The following SLC7A9 variants were observed in gnomAD, a reference collection of about 807,000 sequenced individuals.
The protein encoded by SLC7A9 is solute carrier family 7 member 9, also known as B(0,+)-type amino acid transporter 1.
SLC7A9 carries 38 observed loss-of-function variants against 54.1 expected under a neutral mutation model. The ratio of observed to expected loss-of-function variants is 0.70; its 90% CI spans 0.54 to 0.92. The LOEUF is 0.92. Among genes scored for constraint, SLC7A9 ranks in the 40% least tolerant of loss-of-function variants. SLC7A9 has a pLI of 0.00. For missense variants in SLC7A9, 537 were observed against 636.1 expected (o/e 0.84, Z 1.68); for synonymous variants, 264 against 258.9 (o/e 1.02, Z -0.19).
rs121908486 is a variant in SLC7A9, at chr19:32,859,932, G to A, written c.782C>T (p.Pro261Leu). 400 of 1,614,048 alleles carry A rather than the reference G, an allele frequency of 2.5e-4. No homozygotes were observed. Among genetic ancestry groups the A allele is most frequent in the Non-Finnish European group, 3.2e-4 (381 of 1,180,040 alleles). ...NLPLAIIIGI[P>L]LVTACYILMN... ...GAGGATGTAGCACGCCGTCACCAGG[G>A]GGATCCCGATGATAATGGCCAAAGG... The change falls in exon 8 of 13, where the codon CCC becomes CTC. Residue 261 changes from proline (P) to leucine (L), a missense_variant. Physicochemically the swap from Pro to Leu is moderately conservative, Grantham distance 98. Coordinates refer to ENST00000023064, the MANE Select transcript of SLC7A9 (RefSeq NM_014270.5).
intron 2 of SLC7A9, among the ~76,000 whole-genome samples, chr19:32,867,531 T>A (rs955689012): frequency 1.7e-4 from 25 of 150,650 alleles, no homozygotes; most frequent in African/African-American, 4.1e-4. Flanking sequence ...AAAATTTTTT[T>A]AAAAATTTTT....
intron 11 of SLC7A9, 53 bp from the exon 12 acceptor site, chr19:32,833,376 T>C (rs2145794395): frequency 6.3e-7 from 1 of 1,590,020 alleles, no homozygotes; most frequent in Non-Finnish European, 8.6e-7. Context: ...AAATTTTTCA[T>C]GATAAAAAAC....
At position 32,830,551 on chromosome 19, in the gene SLC7A9, G is replaced by A. The variant is rs867407371; in HGVS notation, c.*69C>T. 2.5e-6 allele frequency: 3 copies of A among 1,196,116 alleles called. No individual in the cohort carries two copies. The highest frequency in any genetic ancestry group is 2.4e-5 in the South Asian group (2 of 82,632). 74.1% of individuals were successfully genotyped at this position (1,196,116 alleles called of 1,614,324 possible). Reference sequence around the variant, plus strand: ...TATATTTTATTCGTAAGAAAAAAAGGAAGAAATAACCACAAATATTGCTTA... The same window carrying A: ...TATATTTTATTCGTAAGAAAAAAAGAAAGAAATAACCACAAATATTGCTTA... On this transcript the variant is annotated 3_prime_UTR_variant, in exon 13 of 13. Transcript: ENST00000023064.
intron 2 of SLC7A9, among the ~76,000 whole-genome samples, chr19:32,867,656 A>G (rs1183496173): frequency 6.6e-6 from 1 of 151,988 alleles, no homozygotes; most frequent in Non-Finnish European, 1.5e-5. Context: ...ACTTAAAATA[A>G]TATGCGGGCC....
rs371669498 is a variant in SLC7A9, at chr19:32,860,648, T to G, written c.707A>C (p.Asn236Thr). 3 of 1,614,016 alleles carry G rather than the reference T, an allele frequency of 1.9e-6. No homozygotes were observed. The highest frequency in any genetic ancestry group is 2.5e-6 in the Non-Finnish European group (3 of 1,180,016). ...YNGLWAYDGW[N>T]QLNYITEELR... ...TTCTTCTGTGATGTAATTGAGTTGA[T>G]TCCTGGAAAAAGGAAAGTAACAAGC... Residue 236 changes from asparagine to threonine, a missense_variant and splice_region_variant, in exon 7 of 13, where the codon AAT becomes ACT. Coordinates refer to ENST00000023064, the MANE Select transcript of SLC7A9 (RefSeq NM_014270.5).
intron 12 of SLC7A9, chr19:32,832,775 A>G: frequency 3.5e-6 from 1 of 287,026 alleles, no homozygotes; most frequent in South Asian, 3.8e-5. Flanking sequence ...AGCCAGGTGT[A>G]GTGTGTGCCT....
At chr19:32,831,121 T>C (rs1967771233) in intron 12 of SLC7A9, among the ~76,000 whole-genome samples, 1 of 149,878 alleles carries the variant, frequency 6.7e-6, no homozygotes. Flanking sequence ...TGGGGTTTCC[T>C]AGGCAGGCGG....
At chr19:32,847,591 A>C (rs553551916) in intron 9 of SLC7A9, among the ~76,000 whole-genome samples, 2 of 152,350 alleles carry the variant, frequency 1.3e-5, no homozygotes, top group South Asian at 2.1e-4. Context: ...GGGAGAATGG[A>C]ACCAAGTTGG....
At chr19:32,851,660 C>T (rs577542333) in intron 9 of SLC7A9, among the ~76,000 whole-genome samples, 5 of 152,000 alleles carry the variant, frequency 3.3e-5, no homozygotes, top group Non-Finnish European at 5.9e-5. Context: ...ACCCAGCCAT[C>T]GCATTACTGG....
chr19:32,858,559 A>T lies in SLC7A9; in HGVS notation c.874-16T>A. The T allele has an allele frequency of 6.3e-7, 1 of 1,592,708 alleles. No individual in the cohort carries two copies. Among genetic ancestry groups the T allele is most frequent in the Non-Finnish European group, 8.6e-7 (1 of 1,163,398 alleles). ...CACCAAATGTCTGGTGAGAGAAGCG[A>T]GATGAGTCCTGAGGGTCTTTCTTGG... is the stretch of plus-strand genomic sequence containing the variant. On this transcript the variant is annotated splice_polypyrimidine_tract_variant and intron_variant, in intron 8 of 12. Transcript: ENST00000023064.
chr19:32,860,803 G>C (rs1968778580), intron 6 of SLC7A9, among the ~76,000 whole-genome samples, 153 bp from the exon 7 acceptor site: 1 of 152,214 alleles, frequency 6.6e-6, no homozygotes, highest in South Asian at 2.1e-4. Flanking sequence ...CCAGGTGAAT[G>C]GCCCTGCTAG....
At chr19:32,846,844 C>T (rs1202198393) in intron 9 of SLC7A9, among the ~76,000 whole-genome samples, 3 of 152,224 alleles carry the variant, frequency 2.0e-5, no homozygotes, top group Non-Finnish European at 2.9e-5. Context: ...AATCAGGCAG[C>T]AGCATTTGCA....
At chr19:32,856,255 C>G (rs994619267) in intron 9 of SLC7A9, among the ~76,000 whole-genome samples, 2 of 146,488 alleles carry the variant, frequency 1.4e-5, no homozygotes, top group Non-Finnish European at 3.0e-5. Context: ...AGTGCAGTGG[C>G]GTGATCTTGG....
At position 32,864,637 on chromosome 19, in the gene SLC7A9, G is replaced by A. The variant is rs1282862614; in HGVS notation, c.227C>T (p.Ala76Val). ...LIIWAACGVL[A>V]TLGALCFAEL... ...CTCCCAAGTCTCTTTACCCAGCGTC[G>A]CGAGGACCCCGCAAGCCGCCCATAT... Residue 76 changes from alanine to valine, a missense_variant, in exon 3 of 13, where the codon GCG becomes GTG. Coordinates refer to ENST00000023064, the MANE Select transcript of SLC7A9 (RefSeq NM_014270.5). 15 of 1,613,478 alleles carry A rather than the reference G, an allele frequency of 9.3e-6. No homozygotes were observed. The highest frequency in any genetic ancestry group is 4.4e-5 in the South Asian group (4 of 91,088).
chr19:32,842,181 T>C lies in SLC7A9; in HGVS notation c.1211A>G (p.Glu404Gly). The C allele has an allele frequency of 6.2e-7, 1 of 1,614,204 alleles. No homozygotes were observed. Among genetic ancestry groups the C allele is most frequent in the Non-Finnish European group, 8.5e-7 (1 of 1,180,032 alleles). ...CTGCAAGCTTACCTTGATAGGCCTT[T>C]CCAGCTCTTTCCTTGTAAATCTCAT... ...IVMRFTRKEL[E>G]RPIKVPVVIP... The change falls in exon 11 of 13, where the codon GAA becomes GGA. Residue 404 changes from glutamate (E) to glycine (G), a missense_variant. Transcript: ENST00000023064.
chr19:32,862,317 AAC>A, intron 5 of SLC7A9, 100 bp from the exon 6 acceptor site: 1 of 1,448,660 alleles, frequency 6.9e-7, no homozygotes, highest in Non-Finnish European at 9.7e-7. Flanking sequence ...CAGCTTAATA[AAC>A]ACGCCCTGAA....
At chr19:32,860,266 C>T in intron 7 of SLC7A9, 1 of 1,396,328 alleles carries the variant, frequency 7.2e-7, no homozygotes, top group East Asian at 2.8e-5. Context: ...TCATAAGAAA[C>T]CATTCGCTGG....
intron 11 of SLC7A9, among the ~76,000 whole-genome samples, chr19:32,836,600 C>T (rs983696853): frequency 5.0e-4 from 76 of 152,248 alleles, no homozygotes; most frequent in Middle Eastern, 6.8e-3. Context: ...TGCTGGGGTT[C>T]GGGGCTTGAT....
In SLC7A9 at chr19:32,864,420, T is replaced by A. The variant is rs180724084; in HGVS notation, c.236-82A>T. Reference sequence around the variant, plus strand: ...AGGGAGCCTTCCTCCCACCGGAGGCTGCGCTCGTATGGAGGGGCCCACCGT... The same window carrying A: ...AGGGAGCCTTCCTCCCACCGGAGGCAGCGCTCGTATGGAGGGGCCCACCGT... On this transcript the variant is annotated intron_variant, in intron 3 of 12. Transcript: ENST00000023064. 9.3e-3 allele frequency: 14,703 copies of A among 1,589,008 alleles called. 86 individuals are homozygous for A. Among genetic ancestry groups the A allele is most frequent in the Non-Finnish European group, 0.012 (13,426 of 1,166,212 alleles).
Sources: gnomAD v4.1 joint callset for allele counts (sites outside exome capture counted in the v4.1 genomes callset) on GRCh38, gnomAD v4.1.1 for gene constraint, MANE v1.5 for transcripts, NCBI Gene and HGNC (gene_info 2026-07-23, HGNC 2026-07-21) for gene names.